Variants in PRKCA observed in about 807,000 individuals in gnomAD.
PRKCA encodes protein kinase C alpha, also known as protein kinase C alpha type.
Under a neutral mutation model 87.0 loss-of-function variants are expected in PRKCA, and 27 were observed. The observed-to-expected ratio is 0.31, with a 90% CI of 0.23 to 0.43. PRKCA has a LOEUF of 0.43. Ranked by LOEUF, PRKCA falls within the 20% of genes least tolerant of loss-of-function variation. The pLI is 1.00. For missense variants in PRKCA, 518 were observed against 852.3 expected (o/e 0.61, Z 4.88); for synonymous variants, 329 against 311.1 (o/e 1.06, Z -0.61).
At chr17:66,694,480 C>CAAAAAAAAAAAA (rs57941055) in intron 8 of PRKCA, among the ~76,000 whole-genome samples, 1 of 35,214 alleles carries the variant, frequency 2.8e-5, no homozygotes, top group African/African-American at 1.3e-4. Context: ...GACTCTGTCT[C>CAAAAAAAAAAAA]AAAAAAAAAA....
At chr17:66,567,987 G>C (rs929560810) in intron 3 of PRKCA, among the ~76,000 whole-genome samples, 5 of 152,140 alleles carry the variant, frequency 3.3e-5, no homozygotes, top group Admixed American at 6.6e-5. Flanking sequence ...TAAGTGTAAA[G>C]GAAAATGTTA....
At chr17:66,686,845 T>C (rs747930440) in intron 5 of PRKCA, among the ~76,000 whole-genome samples, 2 of 152,092 alleles carry the variant, frequency 1.3e-5, no homozygotes, top group Admixed American at 6.5e-5. Flanking sequence ...CTAATAGATA[T>C]CTTAGTGTTG....
intron 5 of PRKCA, among the ~76,000 whole-genome samples, chr17:66,680,172 A>G (rs962731195): frequency 2.0e-5 from 3 of 152,146 alleles, no homozygotes; most frequent in Non-Finnish European, 4.4e-5. Context: ...CCTTCCACCA[A>G]CATTTTTGCA....
chr17:66,635,385 G>T (rs950394683), intron 3 of PRKCA, among the ~76,000 whole-genome samples: 1 of 152,192 alleles, frequency 6.6e-6, no homozygotes, highest in Non-Finnish European at 1.5e-5. Flanking sequence ...CCTGGAAGCC[G>T]CAAGCCTTAC....
chr17:66,638,742 G>A (rs1336764762), intron 3 of PRKCA, among the ~76,000 whole-genome samples: 1 of 152,084 alleles, frequency 6.6e-6, no homozygotes, highest in Non-Finnish European at 1.5e-5. Context: ...CAGCTACTCG[G>A]GGGGCTGAGG....
chr17:66,591,878 C>T (rs774703884), intron 3 of PRKCA, among the ~76,000 whole-genome samples: 24 of 152,076 alleles, frequency 1.6e-4, no homozygotes, highest in Non-Finnish European at 2.2e-4. Flanking sequence ...TCATCCCTGC[C>T]GAACCTTTGC....
intron 2 of PRKCA, among the ~76,000 whole-genome samples, chr17:66,373,173 A>G (rs1306076256): frequency 1.3e-5 from 2 of 152,240 alleles, no homozygotes; most frequent in Admixed American, 1.3e-4. Flanking sequence ...AAGATGTTTG[A>G]TAATCATCTT....
intron 2 of PRKCA, among the ~76,000 whole-genome samples, chr17:66,470,425 A>G (rs892064075): frequency 1.3e-5 from 2 of 151,356 alleles, no homozygotes; most frequent in Non-Finnish European, 2.9e-5. Flanking sequence ...ACGGGGTTTC[A>G]CCATGTTGGC....
intron 13 of PRKCA, among the ~76,000 whole-genome samples, chr17:66,755,385 T>G (rs1474967219): frequency 6.6e-6 from 1 of 152,170 alleles, no homozygotes; most frequent in Non-Finnish European, 1.5e-5. Flanking sequence ...TCACGCCTCC[T>G]TAATAACCGC....
At chr17:66,448,971 C>A (rs1598681109) in intron 2 of PRKCA, among the ~76,000 whole-genome samples, 4 of 126,394 alleles carry the variant, frequency 3.2e-5, no homozygotes, top group Non-Finnish European at 3.3e-5. Context: ...CTTTGAAAAA[C>A]TCTAAACTTA....
intron 2 of PRKCA, among the ~76,000 whole-genome samples, chr17:66,349,746 G>T (rs1036326286): frequency 2.6e-5 from 4 of 152,088 alleles, no homozygotes; most frequent in African/African-American, 7.2e-5. Context: ...GTTTGGCCTG[G>T]CTCCCAAAAA....
At chr17:66,586,673 C>T (rs540770843) in intron 3 of PRKCA, among the ~76,000 whole-genome samples, 42 of 152,334 alleles carry the variant, frequency 2.8e-4, no homozygotes, top group African/African-American at 9.6e-4. Context: ...CTCAAAATAA[C>T]TTCTACTAAG....
chr17:66,514,253 G>C (rs1471500037), intron 3 of PRKCA, among the ~76,000 whole-genome samples: 2 of 152,126 alleles, frequency 1.3e-5, no homozygotes, highest in East Asian at 3.9e-4. Context: ...AGGCCCTACA[G>C]ATAAAAGGGC....
chr17:66,681,497 T>C (rs1184675689), intron 5 of PRKCA, among the ~76,000 whole-genome samples: 7 of 152,182 alleles, frequency 4.6e-5, no homozygotes, highest in Non-Finnish European at 1.0e-4. Context: ...CAAATGCTTC[T>C]TTAACACTAC....
At chr17:66,312,279 A>G (rs148163363) in intron 2 of PRKCA, among the ~76,000 whole-genome samples, 2 of 152,238 alleles carry the variant, frequency 1.3e-5, no homozygotes, top group South Asian at 2.1e-4. Flanking sequence ...ACTGCACCCA[A>G]CCAGAGTTTC....
chr17:66,578,159 A>G (rs1271928734), intron 3 of PRKCA, among the ~76,000 whole-genome samples: 2 of 151,574 alleles, frequency 1.3e-5, no homozygotes, highest in Admixed American at 6.6e-5. Flanking sequence ...ACAAAACAAA[A>G]CAGCCCTCAT....
chr17:66,423,292 G>A (rs151303223), intron 2 of PRKCA, among the ~76,000 whole-genome samples: 319 of 152,224 alleles, frequency 2.1e-3, no homozygotes, highest in African/African-American at 7.2e-3. Context: ...TTTTATGCCC[G>A]GTTTCTTGTC....
chr17:66,631,272 A>G (rs1598829460), intron 3 of PRKCA, among the ~76,000 whole-genome samples: 1 of 152,248 alleles, frequency 6.6e-6, no homozygotes, highest in East Asian at 1.9e-4. Flanking sequence ...CACCTGGCAC[A>G]TAGTAGGTGT....
chr17:66,563,839 TA>T, intron 3 of PRKCA, among the ~76,000 whole-genome samples: 1 of 152,232 alleles, frequency 6.6e-6, no homozygotes, highest in Non-Finnish European at 1.5e-5. Flanking sequence ...AGACTTAGTA[TA>T]AACAAAAGAG....
Sources: gnomAD v4.1 joint callset for allele counts (sites outside exome capture counted in the v4.1 genomes callset) on GRCh38, gnomAD v4.1.1 for gene constraint, MANE v1.5 for transcripts, NCBI Gene and HGNC (gene_info 2026-07-23, HGNC 2026-07-21) for gene names.